The following MSN variants were observed in gnomAD, a reference collection of about 807,000 sequenced individuals.
The protein encoded by MSN is epididymis luminal protein 70.
In MSN, 2 loss-of-function variants were observed where a neutral mutation model predicts 48.0. The observed-to-expected ratio is 0.04, with a 90% confidence interval of 0.02 to 0.13. MSN has a LOEUF of 0.13. Ranked by LOEUF, MSN falls within the 10% of genes least tolerant of loss-of-function variation. MSN has a pLI of 1.00. For missense variants in MSN, 267 were observed against 470.1 expected (o/e 0.57, Z 3.99); for synonymous variants, 146 against 166.9 (o/e 0.87, Z 0.97).
chrX:65,674,785 C>G (rs1308676116), intron 1 of MSN, among the ~76,000 whole-genome samples: 2 of 111,388 alleles, frequency 1.8e-5, no homozygotes, highest in Non-Finnish European at 3.8e-5. Context: ...GGGCAGGAAG[C>G]TAAAAAAAGA....
intron 2 of MSN, among the ~76,000 whole-genome samples, chrX:65,726,045 T>C (rs1265047663): frequency 1.8e-5 from 2 of 111,761 alleles, no homozygotes; most frequent in Non-Finnish European, 1.9e-5. Context: ...TCCTGATACT[T>C]GATCCAAGCT....
intron 2 of MSN, among the ~76,000 whole-genome samples, chrX:65,726,852 C>T (rs1476816486): frequency 9.0e-6 from 1 of 111,403 alleles, no homozygotes; most frequent in Non-Finnish European, 1.9e-5. Flanking sequence ...TCACTGCTGC[C>T]ATCGACAGTG....
chrX:65,618,064 C>T (rs1353536678), intron 1 of MSN, among the ~76,000 whole-genome samples: 1 of 110,908 alleles, frequency 9.0e-6, no homozygotes, highest in Non-Finnish European at 1.9e-5. Context: ...GCACTGTGGT[C>T]TGAGAGATAG....
At chrX:65,701,643 T>A (rs752853391) in intron 1 of MSN, among the ~76,000 whole-genome samples, 1 of 112,251 alleles carries the variant, frequency 8.9e-6, no homozygotes, top group South Asian at 3.7e-4. Flanking sequence ...ATTCTTATGG[T>A]AAGCTAAGTT....
intron 1 of MSN, among the ~76,000 whole-genome samples, chrX:65,696,516 G>A (rs955703035): frequency 5.4e-5 from 6 of 111,099 alleles, no homozygotes; most frequent in African/African-American, 1.6e-4. Flanking sequence ...ATTCTGGTTG[G>A]CCTCTTTACT....
At chrX:65,722,914 T>G (rs940909790) in intron 2 of MSN, among the ~76,000 whole-genome samples, 3 of 111,477 alleles carry the variant, frequency 2.7e-5, no homozygotes, top group African/African-American at 9.8e-5. Context: ...TCCGCTCCCC[T>G]CTACAGACCT....
chrX:65,689,213 T>C lies in MSN; in HGVS notation c.12+21360T>C, dbSNP rs190416406. ...CTAACCTCTGAGGGCTATTTCCTGCTCTGAAACTCTGATTTATTCAGAAAT... is the reference window on the plus strand; with the variant it reads ...CTAACCTCTGAGGGCTATTTCCTGCCCTGAAACTCTGATTTATTCAGAAAT... On this transcript the variant is annotated intron_variant, in intron 1 of 12. Coordinates refer to ENST00000360270, the MANE Select transcript of MSN (RefSeq NM_002444.3). 5.4e-5 allele frequency among the ~76,000 whole-genome samples: 6 copies of C among 111,693 alleles called. No homozygotes were observed. The East Asian group carries it at 1.7e-3, about 31-fold the overall frequency.
chrX:65,625,997 C>G (rs1323295213), intron 1 of MSN: 2 of 101,082 alleles, frequency 2.0e-5, no homozygotes, highest in African/African-American at 7.5e-5. Flanking sequence ...CTCTGTCGCC[C>G]GGGCTGGAGT....
chrX:65,595,927 C>T (rs1464471758), intron 1 of MSN, among the ~76,000 whole-genome samples: 1 of 111,593 alleles, frequency 9.0e-6, no homozygotes, highest in East Asian at 2.8e-4. Context: ...ACCCAAATGC[C>T]TCATTTTATA....
intron 1 of MSN, among the ~76,000 whole-genome samples, chrX:65,629,208 A>T (rs1296290334): frequency 8.9e-6 from 1 of 111,932 alleles, no homozygotes; most frequent in Non-Finnish European, 1.9e-5. Flanking sequence ...GGGCAGGGGC[A>T]AAATTCCACC....
intron 1 of MSN, among the ~76,000 whole-genome samples, chrX:65,715,734 A>G (rs1344786646): frequency 9.0e-6 from 1 of 111,512 alleles, no homozygotes; most frequent in Non-Finnish European, 1.9e-5. Flanking sequence ...GGCCGAGACT[A>G]TTGGATTTTC....
At chrX:65,713,980 A>G (rs1386216891) in intron 1 of MSN, among the ~76,000 whole-genome samples, 1 of 111,546 alleles carries the variant, frequency 9.0e-6, no homozygotes, top group Non-Finnish European at 1.9e-5. Flanking sequence ...GGGTTTCGCT[A>G]TATTGTCCAG....
At chrX:65,639,083 G>A (rs1189493819) in intron 1 of MSN, among the ~76,000 whole-genome samples, 2 of 112,440 alleles carry the variant, frequency 1.8e-5, no homozygotes, top group South Asian at 3.6e-4. Flanking sequence ...AATAGGGCAG[G>A]TATTATAAGC....
intron 1 of MSN, among the ~76,000 whole-genome samples, chrX:65,637,342 C>T (rs1269958952): frequency 1.2e-4 from 13 of 104,351 alleles, no homozygotes; most frequent in Middle Eastern, 4.4e-3. Context: ...GTGGAGGTTG[C>T]GGTGAGCCGA....
chrX:65,697,319 T>C (rs1428712258), intron 1 of MSN, among the ~76,000 whole-genome samples: 1 of 111,640 alleles, frequency 9.0e-6, no homozygotes, highest in Admixed American at 9.5e-5. Flanking sequence ...TGCTGTGGAA[T>C]GACATCTGCC....
At chrX:65,619,399 G>A (rs1425443305) in intron 1 of MSN, among the ~76,000 whole-genome samples, 1 of 97,965 alleles carries the variant, frequency 1.0e-5, no homozygotes, top group Admixed American at 1.0e-4. Context: ...TGGAGGCTTT[G>A]TTCATTTCTT....
At chrX:65,653,827 G>A (rs755847098) in intron 1 of MSN, among the ~76,000 whole-genome samples, 1 of 111,184 alleles carries the variant, frequency 9.0e-6, no homozygotes, top group South Asian at 3.8e-4. Flanking sequence ...AGGCTGGAGT[G>A]TAGTGGCGCG....
chrX:65,656,325 T>G (rs937212813), intron 1 of MSN, among the ~76,000 whole-genome samples: 1 of 103,736 alleles, frequency 9.6e-6, no homozygotes, highest in Non-Finnish European at 2.0e-5. Context: ...TTGTTGTGAG[T>G]TGGGAGAGAG....
At chrX:65,643,944 C>T (rs2070676783) in intron 1 of MSN, among the ~76,000 whole-genome samples, 1 of 111,637 alleles carries the variant, frequency 9.0e-6, no homozygotes, top group African/African-American at 3.3e-5. Context: ...ATGTTGGTCA[C>T]CCTACACAGG....
Sources: allele counts gnomAD v4.1 joint callset (sites outside exome capture counted in the v4.1 genomes callset), GRCh38; gene constraint gnomAD v4.1.1; transcripts MANE v1.5; gene names NCBI Gene and HGNC (gene_info 2026-07-23, HGNC 2026-07-21).